HAUS8: variants seen among roughly 807,000 people sequenced by gnomAD.
The protein encoded by HAUS8 is HAUS augmin like complex subunit 8, also known as HAUS augmin-like complex subunit 8.
HAUS8 carries 38 observed loss-of-function variants against 42.9 expected under a neutral mutation model. The ratio of observed to expected loss-of-function variants is 0.89; its 90% confidence interval spans 0.68 to 1.16. HAUS8 has a LOEUF of 1.16. Ranked by LOEUF, HAUS8 falls within the 50% of genes most tolerant of loss-of-function variation. The pLI, the probability that HAUS8 is intolerant of heterozygous loss-of-function variation, is 0.00. For missense variants in HAUS8, 494 were observed against 511.6 expected (o/e 0.97, Z 0.33); for synonymous variants, 199 against 205.8 (o/e 0.97, Z 0.28).
At chr19:17,055,139 AAAAAATATATATATATATATATATATAT>A (rs1568634838) in intron 9 of HAUS8, 3 of 24,464 alleles carry the variant, frequency 1.2e-4, no homozygotes, top group Non-Finnish European at 2.1e-4. Flanking sequence ...AAAAAAAAAA[AAAAAATATATATATATATATATATATAT>A]ATATATATAT....
At chr19:17,071,909 C>G (rs1274895790) in intron 2 of HAUS8, among the ~76,000 whole-genome samples, 1 of 152,134 alleles carries the variant, frequency 6.6e-6, no homozygotes, top group Non-Finnish European at 1.5e-5. Context: ...TCGCTTGAAC[C>G]TGGGAGGCGG....
intron 3 of HAUS8, among the ~76,000 whole-genome samples, chr19:17,068,235 T>G (rs1193488136): frequency 6.6e-6 from 1 of 150,860 alleles, no homozygotes; most frequent in Admixed American, 6.6e-5. Context: ...TGCCTCAGCC[T>G]CCTGAGTAGC....
intron 3 of HAUS8, among the ~76,000 whole-genome samples, chr19:17,068,671 G>C (rs2057402404): frequency 6.6e-6 from 1 of 152,106 alleles, no homozygotes; most frequent in South Asian, 2.1e-4. Context: ...GAAGGCTCAG[G>C]TGGGAAGATG....
chr19:17,073,708 GAAC>G (rs569731033), intron 1 of HAUS8: 107 of 236,638 alleles, frequency 4.5e-4, no homozygotes, highest in South Asian at 6.6e-4. Flanking sequence ...AGAAAGGGAA[GAAC>G]AACATCTTGA....
upstream of HAUS8, chr19:17,075,483 T>G (rs1023163367): frequency 2.5e-6 from 4 of 1,586,504 alleles, no homozygotes; most frequent in South Asian, 1.1e-5. Flanking sequence ...CCCGCCCCCT[T>G]GCTTGCGGGT....
chr19:17,073,417 A>C, intron 1 of HAUS8, 82 bp from the exon 2 acceptor site: 1 of 1,279,338 alleles, frequency 7.8e-7, no homozygotes, highest in Non-Finnish European at 1.1e-6. Flanking sequence ...CTGCTAGTTG[A>C]AGCTCAGACA....
In HAUS8 at chr19:17,075,406, C is replaced by A. The variant is rs1266333750; in HGVS notation, c.17G>T (p.Gly6Val). The change falls in exon 1 of 11, where the codon GGG (glycine) becomes GTG (valine). Residue 6 changes from glycine to valine, a missense_variant. Gly to Val is a moderately radical substitution (Grantham distance 109). Transcript: ENST00000253669. ...AGCCCCAACTCACCCAGCGCCTCGC[C>A]CCGAGGAATCCGCCATTTTCCCGCC... MADSS[G>V]RGAGKPATGP... The A allele has an allele frequency of 3.7e-6, 6 of 1,613,950 alleles. No individual in the cohort carries two copies. The highest frequency in any genetic ancestry group is 2.5e-6 in the Non-Finnish European group (3 of 1,179,930).
At chr19:17,072,691 C>T (rs993163427) in intron 2 of HAUS8, among the ~76,000 whole-genome samples, 1 of 151,760 alleles carries the variant, frequency 6.6e-6, no homozygotes, top group Admixed American at 6.6e-5. Context: ...CTCTGTCGCC[C>T]AGGCTGGAGT....
intron 8 of HAUS8, 111 bp from the exon 9 acceptor site, chr19:17,056,113 C>G (rs1244752733): frequency 9.8e-7 from 1 of 1,022,884 alleles, no homozygotes; most frequent in East Asian, 2.4e-5. Flanking sequence ...CTTCACCACC[C>G]CCCAGGGAAT....
In HAUS8 at chr19:17,060,006, CAG is replaced by C; in HGVS notation, c.314_315del (p.Ser105CysfsTer3). On this transcript the variant is annotated frameshift_variant, in exon 5 of 11. Transcript: ENST00000253669. LOFTEE classifies it high-confidence loss of function. ...HGTAPPDLDLSAINDKSIVKK... is the reference protein window; with the variant it reads ...HGTAPPDLDLXAINDKSIVKK... ...GAAACAAATGATTTACCATTAATAGCAGAGAGATCCAGGTCAGGTGGAGCTGT... is the reference window on the plus strand; with the variant it reads ...GAAACAAATGATTTACCATTAATAGCAGAGATCCAGGTCAGGTGGAGCTGT... The C allele has an allele frequency of 1.2e-6, 2 of 1,610,534 alleles. No individual in the cohort carries two copies. Among genetic ancestry groups the C allele is most frequent in the South Asian group, 1.1e-5 (1 of 91,012 alleles).
intron 1 of HAUS8, chr19:17,073,862 G>T (rs1334575648): frequency 1.8e-5 from 3 of 162,436 alleles, no homozygotes; most frequent in Non-Finnish European, 4.1e-5. Flanking sequence ...AATGAGCTGG[G>T]GTGGTGGCAT....
chr19:17,056,840 C>T (rs2057329865), intron 8 of HAUS8, among the ~76,000 whole-genome samples: 1 of 152,064 alleles, frequency 6.6e-6, no homozygotes, highest in Non-Finnish European at 1.5e-5. Context: ...ATCCGCCCAC[C>T]TCAGCCTCCC....
chr19:17,055,143 A>AAATATATACAT lies in HAUS8; in HGVS notation c.787+717_787+718insATGTATATATT, dbSNP rs1568634866. Reference sequence around the variant, plus strand: ...AAAAAAAAAAAAAAAAAAAAAAAAAAATATATATATATATATATATATATA... The same window carrying AAATATATACAT: ...AAAAAAAAAAAAAAAAAAAAAAAAAAAATATATACATATATATATATATATATATATATATA... On this transcript the variant is annotated intron_variant, in intron 9 of 10. Coordinates refer to ENST00000253669, the MANE Select transcript of HAUS8 (RefSeq NM_033417.2). 3 of 15,496 alleles carry AAATATATACAT rather than the reference A, an allele frequency of 1.9e-4. 1 individual carries two copies. The highest frequency in any genetic ancestry group is 3.1e-4 in the Non-Finnish European group (3 of 9,728). 1.0% of individuals were successfully genotyped at this position (15,496 alleles called of 1,614,324 possible).
Position 17,058,666 on chromosome 19 carries a change from C to A in HAUS8, c.528G>T (p.Lys176Asn), listed in dbSNP as rs2057340614. 3.1e-6 allele frequency: 5 copies of A among 1,610,930 alleles called. No individual in the cohort carries two copies. Among genetic ancestry groups the A allele is most frequent in the South Asian group, 1.1e-5 (1 of 90,370 alleles). ...TCTCCTTACACATTATTAATAAATT[C>A]TTTTCTGCCCTTCTTTCAAACTCAG... is the stretch of plus-strand genomic sequence containing the variant. ...NLAEFERRAE[K>N]NLLIMCKEKE... The change falls in exon 8 of 11, where the codon AAG becomes AAT. Residue 176 changes from lysine (K) to asparagine (N), a missense_variant. By Grantham distance (94) the Lys-to-Asn change is moderately conservative. Coordinates refer to ENST00000253669, the MANE Select transcript of HAUS8 (RefSeq NM_033417.2).
intron 3 of HAUS8, among the ~76,000 whole-genome samples, chr19:17,064,040 G>A (rs2057374970): frequency 6.6e-6 from 1 of 152,134 alleles, no homozygotes; most frequent in Non-Finnish European, 1.5e-5. Flanking sequence ...CTCTAATACA[G>A]CAGGGGTGCA....
At chr19:17,071,265 C>G (rs899685970) in intron 2 of HAUS8, among the ~76,000 whole-genome samples, 78 of 152,192 alleles carry the variant, frequency 5.1e-4, no homozygotes, top group African/African-American at 1.8e-3. Context: ...CAGCTGCTAC[C>G]CTGAGAGGAA....
At chr19:17,052,529 G>C (rs746601384) in intron 10 of HAUS8, 72 of 259,672 alleles carry the variant, frequency 2.8e-4, no homozygotes, top group Middle Eastern at 2.6e-3. Context: ...AGTGAGCTGA[G>C]ATCTGCCACT....
chr19:17,060,671 G>A (rs2057354935), intron 4 of HAUS8, among the ~76,000 whole-genome samples: 1 of 152,194 alleles, frequency 6.6e-6, no homozygotes, highest in South Asian at 2.1e-4. Context: ...GCCTCCCAAA[G>A]TGTTGGGATT....
chr19:17,052,877 A>G lies in HAUS8; in HGVS notation c.877T>C (p.Leu293=). ...GTCACGTCCTTGAGTTCGCTCAGTA[A>G]GTCCAGCACCTGCACATTTTCTTCC... ...DSEENVQVLD[L]LSELKDVTAK... The change falls in exon 10 of 11, where the codon TTA becomes CTA. Residue 293 remains leucine, a synonymous_variant. Transcript: ENST00000253669. 1 of 1,614,146 alleles carries G rather than the reference A, an allele frequency of 6.2e-7. No homozygotes were observed. Among genetic ancestry groups the G allele is most frequent in the Non-Finnish European group, 8.5e-7 (1 of 1,180,016 alleles).
Sources: allele counts gnomAD v4.1 joint callset (sites outside exome capture counted in the v4.1 genomes callset), GRCh38; gene constraint gnomAD v4.1.1; transcripts MANE v1.5; gene names NCBI Gene and HGNC (gene_info 2026-07-23, HGNC 2026-07-21).